The following ACTR1B variants were observed in gnomAD, a reference collection of about 807,000 sequenced individuals.
ACTR1B encodes the protein beta-centractin.
A neutral mutation model predicts 49.4 loss-of-function variants in ACTR1B; 34 were observed. That is an observed-to-expected ratio of 0.69 (90% CI 0.52 to 0.92). The LOEUF is 0.92. ACTR1B is among the 40% of genes least tolerant of loss of function. The pLI is 0.00. For missense variants in ACTR1B, 471 were observed against 522.4 expected (o/e 0.90, Z 0.96); for synonymous variants, 207 against 207.8 (o/e 1.00, Z 0.03).
At chr2:97,661,796 G>A (rs555837655) in intron 2 of ACTR1B, 86 bp downstream of exon 2, 2 of 1,375,600 alleles carry the variant, frequency 1.5e-6, no homozygotes, top group African/African-American at 1.4e-5. Context: ...GGCACAAATT[G>A]TCTTCAAAGA....
intron 2 of ACTR1B, among the ~76,000 whole-genome samples, 187 bp from the exon 3 acceptor site, chr2:97,660,833 C>T (rs758820949): frequency 1.6e-4 from 25 of 152,178 alleles, no homozygotes; most frequent in African/African-American, 2.9e-4. Context: ...CTAGGCAGGA[C>T]GAGAAGCTCA....
intron 2 of ACTR1B, 50 bp downstream of exon 2, chr2:97,661,832 T>C (rs1460526597): frequency 6.5e-7 from 1 of 1,543,436 alleles, no homozygotes; most frequent in Non-Finnish European, 8.8e-7. Flanking sequence ...GCCAATGTTC[T>C]TACAGAAGGT....
At position 97,662,429 on chromosome 2, in the gene ACTR1B, C is replaced by T. The variant is rs77838244; in HGVS notation, c.49-483G>A. ...CTTTTTTTTTTTTTTTCAACAGCTT[C>T]CTTCTCCCCCAAGAACCCAGAAGGC... is the stretch of plus-strand genomic sequence containing the variant. On this transcript the variant is annotated intron_variant, in intron 1 of 10. Transcript: ENST00000289228. 7.7e-4 allele frequency among the ~76,000 whole-genome samples: 115 copies of T among 149,292 alleles called. 1 individual carries two copies. In the East Asian group the frequency reaches 0.022, roughly 29 times the overall value.
rs1485211445 is a variant in ACTR1B, at chr2:97,658,146, G to C, written c.751-29C>G. 4 of 1,612,834 alleles carry C rather than the reference G, an allele frequency of 2.5e-6. No homozygotes were observed. Among genetic ancestry groups the C allele is most frequent in the African/African-American group, 1.3e-5 (1 of 74,930 alleles). On this transcript the variant is annotated intron_variant, in intron 7 of 10. Transcript: ENST00000289228. This position sits in a 1 kb window ranked among gnomAD's most constrained non-coding sequence, Gnocchi z 5.9. ...TAGTGTACAAGATTGAGGCAGACAG[G>C]CTTCCTGGAGAAGCGGGCTACCCCT...
At position 97,659,530 on chromosome 2, in the gene ACTR1B, T is replaced by C. The variant is rs544959939; in HGVS notation, c.190-53A>G. 6 of 1,604,292 alleles carry C rather than the reference T, an allele frequency of 3.7e-6. No individual in the cohort carries two copies. Among genetic ancestry groups the C allele is most frequent in the South Asian group, 1.1e-5 (1 of 90,880 alleles). ...ACCCGGCCCTTGCTCAGCGGCTGCT[T>C]TCCGCCCTCCTGGAAGCTGACCCTC... On this transcript the variant is annotated intron_variant, in intron 3 of 10. Coordinates refer to ENST00000289228, the MANE Select transcript of ACTR1B (RefSeq NM_005735.4). The surrounding 1 kb of genome is among the most constrained non-coding windows in gnomAD (Gnocchi z 4.0).
rs564213226 is a variant in ACTR1B, at chr2:97,656,560, G to A, written c.*298C>T. ...GCTCAGGGAGGCAGCCCTGAGAGTCGGAGCAGGGAACCACAGGCCTAGCTG... is the reference window on the plus strand; with the variant it reads ...GCTCAGGGAGGCAGCCCTGAGAGTCAGAGCAGGGAACCACAGGCCTAGCTG... On this transcript the variant is annotated 3_prime_UTR_variant, in exon 11 of 11. Coordinates refer to ENST00000289228, the MANE Select transcript of ACTR1B (RefSeq NM_005735.4). The A allele has an allele frequency of 2.3e-4, 78 of 333,074 alleles. 1 individual carries two copies. The Admixed American group carries it at 3.2e-3, about 13-fold the overall frequency. The allele number at this position is 333,074 out of a possible 1,614,324, so 20.6% of individuals were successfully genotyped here.
chr2:97,657,970 G>T lies in ACTR1B; in HGVS notation c.898C>A (p.Leu300Ile). ...TTGAAAAGCGTTGAGCCACCTGAGAGCACGATGTTGGCGAACAGCGTCCGG... is the reference window on the plus strand; with the variant it reads ...TTGAAAAGCGTTGAGCCACCTGAGATCACGATGTTGGCGAACAGCGTCCGG... Reference protein sequence around the residue: ...LRRTLFANIVLSGGSTLFKGF... With the variant: ...LRRTLFANIVISGGSTLFKGF... Residue 300 changes from leucine to isoleucine, a missense_variant, in exon 8 of 11, where the codon CTC becomes ATC. Leu to Ile is a conservative substitution (Grantham distance 5). Transcript: ENST00000289228. 1 of 1,614,202 alleles carries T rather than the reference G, an allele frequency of 6.2e-7. No homozygotes were observed. The highest frequency in any genetic ancestry group is 8.5e-7 in the Non-Finnish European group (1 of 1,180,046).
At chr2:97,663,678 G>C (rs551853385) in intron 1 of ACTR1B, among the ~76,000 whole-genome samples, 165 bp downstream of exon 1, 1 of 151,932 alleles carries the variant, frequency 6.6e-6, no homozygotes, top group East Asian at 2.0e-4. Context: ...GGCCTTACAA[G>C]GCCAAGAGGG....
chr2:97,658,171 T>C lies in ACTR1B; in HGVS notation c.750+53A>G. On this transcript the variant is annotated intron_variant, in intron 7 of 10. Coordinates refer to ENST00000289228, the MANE Select transcript of ACTR1B (RefSeq NM_005735.4). This position sits in a 1 kb window ranked among gnomAD's most constrained non-coding sequence, Gnocchi z 5.9. Reference sequence around the variant, plus strand: ...GCTTCCTGGAGAAGCGGGCTACCCCTTCCCCCAGGCTGGGCATCGGCTGCC... The same window carrying C: ...GCTTCCTGGAGAAGCGGGCTACCCCCTCCCCCAGGCTGGGCATCGGCTGCC... The C allele has an allele frequency of 1.9e-6, 3 of 1,613,458 alleles. No individual in the cohort carries two copies. The highest frequency in any genetic ancestry group is 1.7e-6 in the Non-Finnish European group (2 of 1,179,752).
intron 3 of ACTR1B, 145 bp downstream of exon 3, chr2:97,660,425 CA>C: frequency 2.7e-6 from 2 of 737,988 alleles, no homozygotes; most frequent in Non-Finnish European, 4.7e-6. Flanking sequence ...TGCCCCATCT[CA>C]GGGGGAGGTG....
rs1245406088 is a variant in ACTR1B, at chr2:97,659,187, T to C, written c.315+165A>G. Among the ~76,000 whole-genome samples, 1 of 152,210 alleles carries C rather than the reference T, an allele frequency of 6.6e-6. No individual in the cohort carries two copies. Among genetic ancestry groups the C allele is most frequent in the Non-Finnish European group, 1.5e-5 (1 of 68,038 alleles). On this transcript the variant is annotated intron_variant, in intron 4 of 10. Coordinates refer to ENST00000289228, the MANE Select transcript of ACTR1B (RefSeq NM_005735.4). This position sits in a 1 kb window ranked among gnomAD's most constrained non-coding sequence, Gnocchi z 4.0. ...AGATCCGGCTCTCTTTGGAAGATTC[T>C]GCCTAGCAGCCACTGGGTACGTATG... is the stretch of plus-strand genomic sequence containing the variant.
chr2:97,658,824 C>T lies in ACTR1B; in HGVS notation c.440+55G>A. 1 of 1,611,296 alleles carries T rather than the reference C, an allele frequency of 6.2e-7. No individual in the cohort carries two copies. Among genetic ancestry groups the T allele is most frequent in the Non-Finnish European group, 8.5e-7 (1 of 1,178,144 alleles). On this transcript the variant is annotated intron_variant, in intron 5 of 10. Coordinates refer to ENST00000289228, the MANE Select transcript of ACTR1B (RefSeq NM_005735.4). This position sits in a 1 kb window ranked among gnomAD's most constrained non-coding sequence, Gnocchi z 5.9. The stretch of plus-strand genomic sequence containing the variant: ...GAAGTCAGACCCTGGTCATGGCAAG[C>T]AGGACGGCACAGGGAGGACAGGACT...
In ACTR1B at chr2:97,657,488, C is replaced by A. The variant is rs758023188; in HGVS notation, c.947G>T (p.Ser316Ile). The A allele has an allele frequency of 2.5e-6, 4 of 1,614,260 alleles. No homozygotes were observed. The highest frequency in any genetic ancestry group is 2.2e-5 in the East Asian group (1 of 44,886). ...CTTTGGGGCAAGCTTCTTCACTTCA[C>A]TGAGTAATCGGTCTCCGAAGCCTGT... ...LFKGFGDRLLSEVKKLAPKDI... is the reference protein window; with the variant it reads ...LFKGFGDRLLIEVKKLAPKDI... The change falls in exon 9 of 11, where the codon AGT (serine) becomes ATT (isoleucine). Residue 316 changes from serine to isoleucine, a missense_variant. Ser to Ile is a moderately radical substitution (Grantham distance 142). Coordinates refer to ENST00000289228, the MANE Select transcript of ACTR1B (RefSeq NM_005735.4).
chr2:97,663,437 C>A (rs997373725), intron 1 of ACTR1B, among the ~76,000 whole-genome samples: 1 of 152,236 alleles, frequency 6.6e-6, no homozygotes, highest in Non-Finnish European at 1.5e-5. Context: ...GTGCAAATGA[C>A]AAATGCTACC....
chr2:97,657,917 C>T (rs1466027417), intron 8 of ACTR1B, 26 bp downstream of exon 8: 2 of 1,609,892 alleles, frequency 1.2e-6, no homozygotes, highest in Non-Finnish European at 1.7e-6. Flanking sequence ...CTCGTCTCAC[C>T]ACCACCAACT....
intron 1 of ACTR1B, 72 bp from the exon 2 acceptor site, chr2:97,662,018 G>T: frequency 6.7e-7 from 1 of 1,484,420 alleles, no homozygotes; most frequent in Admixed American, 2.0e-5. Flanking sequence ...AATGGAGAGA[G>T]CTGGCTGCCC....
At chr2:97,660,721 A>G (rs1245833603) in intron 2 of ACTR1B, 75 bp from the exon 3 acceptor site, 5 of 1,444,172 alleles carry the variant, frequency 3.5e-6, no homozygotes, top group African/African-American at 2.8e-5. Context: ...CCGAAATCCA[A>G]CCATAGTCGC....
intron 1 of ACTR1B, among the ~76,000 whole-genome samples, chr2:97,663,546 G>C (rs1045915902): frequency 6.6e-6 from 1 of 152,160 alleles, no homozygotes; most frequent in Non-Finnish European, 1.5e-5. Flanking sequence ...AGAAGAGTCC[G>C]GGGCGCGTCC....
chr2:97,662,806 T>C (rs1348750690), intron 1 of ACTR1B, among the ~76,000 whole-genome samples: 2 of 152,192 alleles, frequency 1.3e-5, no homozygotes, highest in African/African-American at 2.4e-5. Context: ...TACGAGTTAT[T>C]TGCACGTCAA....
Sources: gnomAD v4.1 joint callset for allele counts (sites outside exome capture counted in the v4.1 genomes callset) on GRCh38, gnomAD v4.1.1 for gene constraint, Gnocchi (gnomAD v3.1) non-coding constraint, MANE v1.5 for transcripts, NCBI Gene and HGNC (gene_info 2026-07-23, HGNC 2026-07-21) for gene names.